Variants in LRFN5 observed in about 807,000 individuals in gnomAD.
The protein encoded by LRFN5 is leucine rich repeat and fibronectin type III domain containing 5, also known as leucine-rich repeat and fibronectin type-III domain-containing protein 5.
LRFN5 carries 24 observed loss-of-function variants against 45.6 expected under a neutral mutation model. The observed-to-expected ratio is 0.53, with a 90% confidence interval of 0.38 to 0.74. LRFN5 has a LOEUF of 0.74. LRFN5 is among the 30% of genes least tolerant of loss of function. The pLI is 0.00. For missense variants in LRFN5, 776 were observed against 861.5 expected (o/e 0.90, Z 1.24); for synonymous variants, 340 against 313.8 (o/e 1.08, Z -0.88).
intron 2 of LRFN5, among the ~76,000 whole-genome samples, chr14:41,846,442 C>G (rs1482470319): frequency 3.3e-5 from 5 of 152,054 alleles, no homozygotes; most frequent in Admixed American, 2.6e-4. Context: ...GAAAACAATA[C>G]AGCAGGGATT....
Position 41,904,318 on chromosome 14 carries a change from G to A in LRFN5, c.*143G>A, listed in dbSNP as rs1891190449. 4 of 1,030,558 alleles carry A rather than the reference G, an allele frequency of 3.9e-6. No homozygotes were observed. Among genetic ancestry groups the A allele is most frequent in the Non-Finnish European group, 2.9e-6 (2 of 680,242 alleles). The allele number at this position is 1,030,558 out of a possible 1,614,324, so 63.8% of individuals were successfully genotyped here. On this transcript the variant is annotated 3_prime_UTR_variant, in exon 6 of 6. Transcript: ENST00000298119. The stretch of plus-strand genomic sequence containing the variant: ...ATTGTCTACAGGAGCCAAGGTGAAA[G>A]TCTCTGATGACGGCGGAACTGGCTC...
chr14:41,681,564 A>G (rs1473797958), intron 1 of LRFN5, among the ~76,000 whole-genome samples: 4 of 152,062 alleles, frequency 2.6e-5, no homozygotes, highest in Non-Finnish European at 5.9e-5. Context: ...AATATAAGGG[A>G]GAAATAAAGA....
At chr14:41,650,254 C>G (rs1027124165) in intron 1 of LRFN5, among the ~76,000 whole-genome samples, 1 of 143,282 alleles carries the variant, frequency 7.0e-6, no homozygotes, top group Non-Finnish European at 1.5e-5. Flanking sequence ...CACACACACA[C>G]ACACACACAC....
intron 4 of LRFN5, among the ~76,000 whole-genome samples, chr14:41,898,029 A>T (rs1890994719): frequency 6.6e-6 from 1 of 151,960 alleles, no homozygotes; most frequent in Non-Finnish European, 1.5e-5. Flanking sequence ...TCTTTTTTTC[A>T]TCTATAATGT....
At chr14:41,786,979 T>C (rs954588420) in intron 2 of LRFN5, among the ~76,000 whole-genome samples, 2 of 152,072 alleles carry the variant, frequency 1.3e-5, no homozygotes, top group African/African-American at 2.4e-5. Flanking sequence ...CAGGTGTTAT[T>C]TGATGTGTTT....
At chr14:41,655,622 A>G (rs1321292912) in intron 1 of LRFN5, among the ~76,000 whole-genome samples, 1 of 152,026 alleles carries the variant, frequency 6.6e-6, no homozygotes, top group Non-Finnish European at 1.5e-5. Flanking sequence ...TTATTCTGGT[A>G]TTGGGTTAGG....
chr14:41,651,387 C>T, intron 1 of LRFN5, among the ~76,000 whole-genome samples: 1 of 152,020 alleles, frequency 6.6e-6, no homozygotes, highest in East Asian at 1.9e-4. Flanking sequence ...TTGAGATGGT[C>T]CCTGAGAAAA....
rs927312821 is a variant in LRFN5, at chr14:41,887,595, G to C, written c.970G>C (p.Glu324Gln). 15 of 1,614,218 alleles carry C rather than the reference G, an allele frequency of 9.3e-6. No homozygotes were observed. The highest frequency in any genetic ancestry group is 1.3e-5 in the Non-Finnish European group (15 of 1,180,042). The stretch of plus-strand genomic sequence containing the variant: ...GCCTGCAATTCACTGGATTTCTCCT[G>C]AAGGGAAGCTTATTTCAAATGCAAC... ...PEPAIHWISP[E>Q]GKLISNATRS... The change falls in exon 3 of 6, where the codon GAA becomes CAA. Residue 324 changes from glutamate to glutamine, a missense_variant. By Grantham distance (29) the Glu-to-Gln change is conservative (BLOSUM62 2). Transcript: ENST00000298119. This position sits in a 1 kb window ranked among gnomAD's most constrained non-coding sequence, Gnocchi z 4.8.
chr14:41,815,972 T>A (rs1461652637), intron 2 of LRFN5, among the ~76,000 whole-genome samples: 1 of 152,134 alleles, frequency 6.6e-6, no homozygotes, highest in African/African-American at 2.4e-5. Flanking sequence ...ACTCTTTTAA[T>A]TTCATTTTTT....
intron 1 of LRFN5, among the ~76,000 whole-genome samples, chr14:41,619,573 T>G (rs891009348): frequency 6.6e-6 from 1 of 151,978 alleles, no homozygotes; most frequent in Non-Finnish European, 1.5e-5. Flanking sequence ...ATAAAATATT[T>G]TATTTATATT....
chr14:41,795,693 A>G (rs565296021), intron 2 of LRFN5, among the ~76,000 whole-genome samples: 5 of 151,874 alleles, frequency 3.3e-5, no homozygotes, highest in African/African-American at 9.7e-5. Flanking sequence ...ACCAAACACC[A>G]CATGTTCTCA....
chr14:41,848,044 G>A (rs1889128993), intron 2 of LRFN5, among the ~76,000 whole-genome samples: 1 of 152,174 alleles, frequency 6.6e-6, no homozygotes, highest in Non-Finnish European at 1.5e-5. Flanking sequence ...TTGCCCAGGG[G>A]CAGATGCTTT....
Position 41,610,660 on chromosome 14 carries a change from G to GT in LRFN5, c.-197+2099dup, listed in dbSNP as rs1359396235. 2.9e-4 allele frequency among the ~76,000 whole-genome samples: 3 copies of GT among 10,512 alleles called. 1 individual carries two copies. The highest frequency in any genetic ancestry group is 5.6e-4 in the Non-Finnish European group (3 of 5,326). 6.9% of individuals were successfully genotyped at this position (10,512 alleles called of 152,430 possible). On this transcript the variant is annotated intron_variant, in intron 1 of 5. Transcript: ENST00000298119. ...TTACCCCTCTGAGGTCCCAGGGAAGGTAAAAAAAAAAAAAAAAAAAAAAGT... is the reference window on the plus strand; with the variant it reads ...TTACCCCTCTGAGGTCCCAGGGAAGGTTAAAAAAAAAAAAAAAAAAAAAAGT...
At chr14:41,892,091 A>T (rs989845959) in intron 4 of LRFN5, 129 bp downstream of exon 4, 38 of 1,451,308 alleles carry the variant, frequency 2.6e-5, no homozygotes, top group Non-Finnish European at 3.4e-5. Context: ...TAAAAGAAGC[A>T]TGTCTATGAA....
Position 41,892,432 on chromosome 14 carries a change from T to G in LRFN5, c.2098+470T>G. Reference sequence around the variant, plus strand: ...CTATTCTAGGACCAACTCCTAGGACTAGCAACAGCAGATTAAAAAAATGAA... The same window carrying G: ...CTATTCTAGGACCAACTCCTAGGACGAGCAACAGCAGATTAAAAAAATGAA... On this transcript the variant is annotated intron_variant, in intron 4 of 5. Coordinates refer to ENST00000298119, the MANE Select transcript of LRFN5 (RefSeq NM_152447.5). 5 of 984,154 alleles carry G rather than the reference T, an allele frequency of 5.1e-6. No homozygotes were observed. The South Asian group carries it at 2.4e-4, about 46-fold the overall frequency. 61.0% of individuals were successfully genotyped at this position (984,154 alleles called of 1,614,324 possible).
intron 2 of LRFN5, among the ~76,000 whole-genome samples, chr14:41,775,230 A>G (rs1886243705): frequency 6.6e-6 from 1 of 151,068 alleles, no homozygotes; most frequent in Non-Finnish European, 1.5e-5. Flanking sequence ...AGCTGGGACT[A>G]CAGGCGCCCA....
At chr14:41,691,165 A>G (rs912994086) in intron 1 of LRFN5, among the ~76,000 whole-genome samples, 1 of 151,948 alleles carries the variant, frequency 6.6e-6, no homozygotes, top group Admixed American at 6.6e-5. Flanking sequence ...TTTTAGGCTT[A>G]ATTTACTCTG....
At chr14:41,751,111 C>T (rs973362055) in intron 1 of LRFN5, among the ~76,000 whole-genome samples, 1 of 151,666 alleles carries the variant, frequency 6.6e-6, no homozygotes, top group Non-Finnish European at 1.5e-5. Flanking sequence ...CCCTCACTAT[C>T]ATGAGAAGAG....
intron 1 of LRFN5, among the ~76,000 whole-genome samples, chr14:41,667,623 T>C (rs1483930743): frequency 1.3e-5 from 2 of 152,158 alleles, no homozygotes; most frequent in East Asian, 1.9e-4. Context: ...CCCTGCCTCA[T>C]TGATGAATTT....
Sources: allele counts gnomAD v4.1 joint callset (sites outside exome capture counted in the v4.1 genomes callset), GRCh38; gene constraint gnomAD v4.1.1; non-coding constraint Gnocchi (gnomAD v3.1); transcripts MANE v1.5; gene names NCBI Gene and HGNC (gene_info 2026-07-23, HGNC 2026-07-21).